Variants in TTC29 observed in about 807,000 individuals in gnomAD.
The protein encoded by TTC29 is tetratricopeptide repeat domain 29, also known as tetratricopeptide repeat protein 29.
In TTC29, 49 loss-of-function variants were observed where a neutral mutation model predicts 58.1. That is an observed-to-expected ratio of 0.84 (90% CI 0.67 to 1.07). The LOEUF (loss-of-function observed/expected upper bound fraction) is 1.07, where lower values mean the gene tolerates loss of function less well. Ranked by LOEUF, TTC29 falls within the 50% of genes least tolerant of loss-of-function variation. The probability of loss-of-function intolerance (pLI) is 0.00; values close to 1 mark genes in which losing one functional copy is unlikely to be tolerated. For missense variants in TTC29, 582 were observed against 555.6 expected (o/e 1.05, Z -0.48); for synonymous variants, 209 against 196.8 (o/e 1.06, Z -0.52).
chr4:146,712,994 G>A (rs1183320276), intron 11 of TTC29, among the ~76,000 whole-genome samples: 1 of 152,080 alleles, frequency 6.6e-6, no homozygotes, highest in Non-Finnish European at 1.5e-5. Flanking sequence ...CCTCTCATCT[G>A]CTGGTGACTC....
intron 11 of TTC29, among the ~76,000 whole-genome samples, chr4:146,723,026 C>A (rs976030640): frequency 2.8e-4 from 42 of 152,088 alleles, no homozygotes; most frequent in African/African-American, 1.0e-3. Flanking sequence ...GCAGGCAGAT[C>A]ACCTGAGGTC....
At chr4:146,827,380 T>C (rs1217219552) in intron 9 of TTC29, among the ~76,000 whole-genome samples, 2 of 152,216 alleles carry the variant, frequency 1.3e-5, no homozygotes, top group African/African-American at 4.8e-5. Flanking sequence ...AGCATTTCTA[T>C]ATGCCCCAGA....
rs145879594 is a variant in TTC29 at position 146,764,354 on chromosome 4, G to A, written c.1330+39103C>T. ...CTAAGCTAACCTCAAGGGGCTACTC[G>A]AGAGAGATGCAGCCTTAACCCCTCT... On this transcript the variant is annotated intron_variant, in intron 11 of 12. Coordinates refer to ENST00000325106, the MANE Select transcript of TTC29 (RefSeq NM_031956.4). Among the ~76,000 whole-genome samples the A allele has an allele frequency of 7.8e-4, 119 of 152,030 alleles. 1 individual carries two copies. In the East Asian group the frequency reaches 0.021, roughly 27 times the overall value.
At chr4:146,896,360 T>G (rs972926784) in intron 6 of TTC29, among the ~76,000 whole-genome samples, 1 of 152,166 alleles carries the variant, frequency 6.6e-6, no homozygotes, top group Admixed American at 6.6e-5. Context: ...ACTCTACTTC[T>G]TTTTACCTTC....
chr4:146,894,207 G>T (rs1732594067), intron 6 of TTC29, among the ~76,000 whole-genome samples: 1 of 152,060 alleles, frequency 6.6e-6, no homozygotes. Context: ...TATAAATCAT[G>T]CTGCTATAAA....
intron 8 of TTC29, among the ~76,000 whole-genome samples, chr4:146,834,960 T>C (rs1201283697): frequency 6.6e-6 from 1 of 152,190 alleles, no homozygotes; most frequent in Non-Finnish European, 1.5e-5. Flanking sequence ...GGCTATATAC[T>C]GACCCAGGGT....
In TTC29 at chr4:146,924,254, C is replaced by G. The variant is rs543318851; in HGVS notation, c.176+13340G>C. ...CATGAAGATCTTTCAGCTGCTTAATCATATTATTTGCCAGAGAATTAGTTG... is the reference window on the plus strand; with the variant it reads ...CATGAAGATCTTTCAGCTGCTTAATGATATTATTTGCCAGAGAATTAGTTG... On this transcript the variant is annotated intron_variant, in intron 4 of 12. Coordinates refer to ENST00000325106, the MANE Select transcript of TTC29 (RefSeq NM_031956.4). 2.7e-3 allele frequency among the ~76,000 whole-genome samples: 414 copies of G among 151,842 alleles called. 1 individual carries two copies. The highest frequency in any genetic ancestry group is 3.8e-3 in the Non-Finnish European group (257 of 67,738).
chr4:146,830,393 G>T (rs12501483), intron 9 of TTC29, among the ~76,000 whole-genome samples: 1 of 152,096 alleles, frequency 6.6e-6, no homozygotes, highest in Non-Finnish European at 1.5e-5. Flanking sequence ...TTTCAATTGA[G>T]GGCTTAGTAT....
chr4:146,813,579 G>T (rs541234166), intron 10 of TTC29, among the ~76,000 whole-genome samples: 103 of 152,168 alleles, frequency 6.8e-4, no homozygotes, highest in African/African-American at 2.4e-3. Flanking sequence ...CTTGAAAATT[G>T]TTAAGAATAC....
chr4:146,784,793 C>T (rs1206309443), intron 11 of TTC29, among the ~76,000 whole-genome samples: 2 of 152,138 alleles, frequency 1.3e-5, no homozygotes, highest in East Asian at 1.9e-4. Context: ...TACACTTCAC[C>T]TTCTGTGAAA....
chr4:146,874,698 G>A lies in TTC29; in HGVS notation c.799+18C>T. 1.3e-6 allele frequency: 2 copies of A among 1,569,904 alleles called. No homozygotes were observed. The highest frequency in any genetic ancestry group is 1.1e-5 in the South Asian group (1 of 87,062). The stretch of plus-strand genomic sequence containing the variant: ...ACCCATTAAAGAAAGCAATGTGAGA[G>A]AGTTCTTTTCCACCCACCTTCTTTG... On this transcript the variant is annotated intron_variant, in intron 7 of 12. Transcript: ENST00000325106.
At chr4:146,781,518 GA>G (rs1165154085) in intron 11 of TTC29, among the ~76,000 whole-genome samples, 1 of 151,824 alleles carries the variant, frequency 6.6e-6, no homozygotes, top group Non-Finnish European at 1.5e-5. Context: ...TTAAAACCTT[GA>G]AATATACATG....
At chr4:146,856,018 C>A (rs1296583952) in intron 8 of TTC29, among the ~76,000 whole-genome samples, 1 of 152,120 alleles carries the variant, frequency 6.6e-6, no homozygotes, top group East Asian at 1.9e-4. Flanking sequence ...ATGAACTATG[C>A]AGGTTGCTTT....
chr4:146,906,492 T>C (rs1282585394), intron 5 of TTC29, among the ~76,000 whole-genome samples: 5 of 152,196 alleles, frequency 3.3e-5, no homozygotes, highest in Admixed American at 3.3e-4. Flanking sequence ...AATGGAACTT[T>C]AAGATACTAT....
rs769391385 is a variant in TTC29 at position 146,874,831 on chromosome 4, C to T, written c.684G>A (p.Leu228=). The stretch of plus-strand genomic sequence containing the variant: ...AAGTCCTCAGGAGACTCTCACAGGC[C>T]AACAAGTTGAGAGAGCGGCCTGTCT... ...KDETGRSLNL[L]ACESLLRTYR... Residue 228 remains leucine (L), a synonymous_variant, in exon 7 of 13, where the codon TTG becomes TTA. Coordinates refer to ENST00000325106, the MANE Select transcript of TTC29 (RefSeq NM_031956.4). 1.2e-6 allele frequency: 2 copies of T among 1,613,268 alleles called. No homozygotes were observed. Among genetic ancestry groups the T allele is most frequent in the Non-Finnish European group, 1.7e-6 (2 of 1,179,656 alleles).
intron 11 of TTC29, among the ~76,000 whole-genome samples, chr4:146,763,389 AT>A (rs1747052793): frequency 6.6e-6 from 1 of 152,058 alleles, no homozygotes; most frequent in Admixed American, 6.6e-5. Context: ...AATTTTGTTG[AT>A]GATAATCCAG....
intron 6 of TTC29, among the ~76,000 whole-genome samples, chr4:146,895,602 G>A (rs771474241): frequency 2.0e-5 from 3 of 152,142 alleles, no homozygotes; most frequent in South Asian, 2.1e-4. Flanking sequence ...GAGCCTGTAC[G>A]AGAGCCTGAA....
chr4:146,708,760 G>GA (rs1313076164), intron 11 of TTC29, among the ~76,000 whole-genome samples: 1 of 151,742 alleles, frequency 6.6e-6, no homozygotes, highest in African/African-American at 2.4e-5. Flanking sequence ...TTGCCTTTTG[G>GA]AATATTTGAT....
chr4:146,820,262 A>G lies in TTC29; in HGVS notation c.978-14T>C. 2 of 1,608,286 alleles carry G rather than the reference A, an allele frequency of 1.2e-6. No homozygotes were observed. Among genetic ancestry groups the G allele is most frequent in the Non-Finnish European group, 1.7e-6 (2 of 1,178,348 alleles). ...ATCTCTCCTTGGCTAGAATGAATGA[A>G]ATAGGAAGTCAATGGAGTATCATCT... On this transcript the variant is annotated splice_polypyrimidine_tract_variant and intron_variant, in intron 9 of 12. Transcript: ENST00000325106.
Sources: gnomAD v4.1 joint callset for allele counts (sites outside exome capture counted in the v4.1 genomes callset) on GRCh38, gnomAD v4.1.1 for gene constraint, MANE v1.5 for transcripts, NCBI Gene and HGNC (gene_info 2026-07-23, HGNC 2026-07-21) for gene names.